The following DCLK2 variants were observed in gnomAD, a reference collection of about 807,000 sequenced individuals.
DCLK2 encodes doublecortin like kinase 2, also known as serine/threonine-protein kinase DCLK2.
DCLK2 carries 31 observed loss-of-function variants against 78.4 expected under a neutral mutation model. That is an observed-to-expected ratio of 0.40 (90% CI 0.30 to 0.53). DCLK2 has a LOEUF of 0.53. Among genes scored for constraint, DCLK2 ranks in the 20% least tolerant of loss-of-function variants. DCLK2 has a pLI of 0.61. For missense variants in DCLK2, 872 were observed against 973.7 expected, an observed-to-expected ratio of 0.90 and a Z score of 1.39; for synonymous variants, 407 against 374.9, an observed-to-expected ratio of 1.09 and a Z score of -0.99.
intron 8 of DCLK2, among the ~76,000 whole-genome samples, chr4:150,229,843 A>G (rs570444633): frequency 6.6e-6 from 1 of 152,202 alleles, no homozygotes; most frequent in Non-Finnish European, 1.5e-5. Context: ...ATGTAAGTTC[A>G]GTATGGCTCA....
At chr4:150,232,189 T>C (rs931502217) in intron 8 of DCLK2, 148 bp from the exon 9 acceptor site, 3 of 939,456 alleles carry the variant, frequency 3.2e-6, no homozygotes, top group Non-Finnish European at 3.2e-6. Context: ...CAGGGACAAT[T>C]AGGTCAGGTT....
intron 2 of DCLK2, among the ~76,000 whole-genome samples, chr4:150,125,957 TA>T (rs148142847): frequency 0.23 from 35,603 of 151,958 alleles, 4,563 homozygotes; most frequent in African/African-American, 0.34. Context: ...TAAAATAATA[TA>T]AAAAGAAAAT....
In DCLK2 at chr4:150,148,222, G is replaced by A. The variant is rs142062448; in HGVS notation, c.757-44916G>A. On this transcript the variant is annotated intron_variant, in intron 2 of 15. Coordinates refer to ENST00000296550, the MANE Select transcript of DCLK2 (RefSeq NM_001040260.4). ...CCACTAAAAATACAAAAATTAGCTGGACGTTGTGGCATGCACCTGTAGTCC... is the reference window on the plus strand; with the variant it reads ...CCACTAAAAATACAAAAATTAGCTGAACGTTGTGGCATGCACCTGTAGTCC... 8.1e-3 allele frequency among the ~76,000 whole-genome samples: 1,226 copies of A among 152,174 alleles called. 7 individuals carry two copies. The highest frequency in any genetic ancestry group is 0.013 in the Non-Finnish European group (859 of 68,002).
chr4:150,217,989 A>G (rs1740854107), intron 5 of DCLK2, among the ~76,000 whole-genome samples: 1 of 152,160 alleles, frequency 6.6e-6, no homozygotes, highest in African/African-American at 2.4e-5. Flanking sequence ...AGGCTTTGTT[A>G]GGTACACTTG....
At chr4:150,105,117 T>C (rs1485078510) in intron 2 of DCLK2, among the ~76,000 whole-genome samples, 1 of 152,052 alleles carries the variant, frequency 6.6e-6, no homozygotes, top group African/African-American at 2.4e-5. Context: ...ATTCCAGGTG[T>C]GTTAGAAATA....
At chr4:150,110,057 C>T (rs539683674) in intron 2 of DCLK2, among the ~76,000 whole-genome samples, 2 of 152,288 alleles carry the variant, frequency 1.3e-5, no homozygotes, top group Admixed American at 6.5e-5. Flanking sequence ...TAAATATTTT[C>T]TCCCTTTTAA....
At chr4:150,158,158 C>T (rs773779056) in intron 2 of DCLK2, among the ~76,000 whole-genome samples, 6 of 152,128 alleles carry the variant, frequency 3.9e-5, no homozygotes, top group East Asian at 1.9e-4. Context: ...TTGATTTCTC[C>T]GGAGGCACCT....
At chr4:150,161,332 T>C (rs560600570) in intron 2 of DCLK2, among the ~76,000 whole-genome samples, 1 of 152,272 alleles carries the variant, frequency 6.6e-6, no homozygotes, top group South Asian at 2.1e-4. Context: ...TGGATACTGG[T>C]GAATCAGACA....
Position 150,079,157 on chromosome 4 carries a change from C to T in DCLK2, c.130C>T (p.Leu44Phe). Residue 44 changes from leucine (L) to phenylalanine (F), a missense_variant, in exon 1 of 16, where the codon CTC (leucine) becomes TTC (phenylalanine). Leu to Phe is a conservative substitution (Grantham distance 22). Around this residue, in one of 3 missense-constraint regions of DCLK2, gnomAD observed 567 missense variants for 593.4 expected, o/e 0.96. Transcript: ENST00000296550. Reference protein sequence around the residue: ...SSSSGPKGNGLIPSPAHSAHC... With the variant: ...SSSSGPKGNGFIPSPAHSAHC... The stretch of plus-strand genomic sequence containing the variant: ...CAGCTCGGGCCCCAAGGGGAACGGG[C>T]TCATCCCCAGTCCGGCGCACAGTGC... The T allele has an allele frequency of 6.2e-7, 1 of 1,604,918 alleles. No homozygotes were observed. The highest frequency in any genetic ancestry group is 8.5e-7 in the Non-Finnish European group (1 of 1,175,754).
intron 2 of DCLK2, among the ~76,000 whole-genome samples, chr4:150,168,180 A>G (rs1215452233): frequency 6.6e-6 from 1 of 152,100 alleles, no homozygotes; most frequent in Admixed American, 6.5e-5. Context: ...CGTCTCTACT[A>G]AAAATACAAA....
At chr4:150,232,975 C>T (rs915748902) in intron 10 of DCLK2, 147 bp downstream of exon 10, 3 of 996,888 alleles carry the variant, frequency 3.0e-6, no homozygotes, top group Non-Finnish European at 4.3e-6. Flanking sequence ...TGTCAATGAC[C>T]ATCAAATACT....
At chr4:150,116,083 CTT>C (rs1732065193) in intron 2 of DCLK2, among the ~76,000 whole-genome samples, 1 of 152,120 alleles carries the variant, frequency 6.6e-6, no homozygotes, top group South Asian at 2.1e-4. Flanking sequence ...ACAGGCACCT[CTT>C]TTCATCTGCA....
At chr4:150,245,788 AAC>A (rs1297196677) in intron 12 of DCLK2, among the ~76,000 whole-genome samples, 2 of 152,160 alleles carry the variant, frequency 1.3e-5, no homozygotes, top group African/African-American at 4.8e-5. Flanking sequence ...TTGAAATAGG[AAC>A]ACTTTTACAC....
chr4:150,197,583 G>A (rs923697953), intron 3 of DCLK2, among the ~76,000 whole-genome samples: 20 of 152,054 alleles, frequency 1.3e-4, no homozygotes, highest in African/African-American at 4.1e-4. Flanking sequence ...GTGAAACCCC[G>A]TCTCTACTAA....
chr4:150,163,379 CA>C (rs765382275), intron 2 of DCLK2, among the ~76,000 whole-genome samples: 20 of 151,828 alleles, frequency 1.3e-4, no homozygotes, highest in Non-Finnish European at 2.5e-4. Flanking sequence ...GCCTGGGTGA[CA>C]GAGTGAGACT....
At chr4:150,197,794 CAA>C (rs1351444535) in intron 3 of DCLK2, among the ~76,000 whole-genome samples, 1 of 141,756 alleles carries the variant, frequency 7.1e-6, no homozygotes. Flanking sequence ...AACTCCATCT[CAA>C]GAGAGAAAAA....
At chr4:150,087,214 G>A (rs567445366) in intron 1 of DCLK2, among the ~76,000 whole-genome samples, 3 of 152,224 alleles carry the variant, frequency 2.0e-5, no homozygotes, top group Non-Finnish European at 4.4e-5. Context: ...TGGTGAGGTC[G>A]CCCTAAGTAC....
rs375592229 is a variant in DCLK2 at position 150,219,258 on chromosome 4, C to CTTTT, written c.1057-1421_1057-1418dup. 1.1e-4 allele frequency among the ~76,000 whole-genome samples: 8 copies of CTTTT among 72,120 alleles called. 1 individual carries two copies. Among genetic ancestry groups the CTTTT allele is most frequent in the East Asian group, 7.5e-4 (2 of 2,676 alleles). 47.3% of individuals were successfully genotyped at this position (72,120 alleles called of 152,430 possible). A position where few individuals can be genotyped will look rare whatever the true frequency, so the allele number is the denominator to read the frequency against. ...TTACATTCAACAGTTCACAAACATT[C>CTTTT]TTTTTTTTTTTTTTTTTTTTTTTTT... On this transcript the variant is annotated intron_variant, in intron 5 of 15. Transcript: ENST00000296550.
At chr4:150,102,866 A>G (rs1730984301) in intron 2 of DCLK2, 54 bp downstream of exon 2, 11 of 1,487,576 alleles carry the variant, frequency 7.4e-6, no homozygotes, top group South Asian at 6.5e-5. Context: ...TCCCTGTGCC[A>G]TGGTGGCTAC....
Sources: allele counts gnomAD v4.1 joint callset (sites outside exome capture counted in the v4.1 genomes callset), GRCh38; gene constraint gnomAD v4.1.1; regional missense constraint gnomAD v4.1.1; transcripts MANE v1.5; gene names NCBI Gene and HGNC (gene_info 2026-07-23, HGNC 2026-07-21).